Variants in PARP8 observed in about 807,000 individuals in gnomAD.
PARP8 encodes poly(ADP-ribose) polymerase family member 8.
In PARP8, 51 loss-of-function variants were observed where a neutral mutation model predicts 124.1. That is an observed-to-expected ratio of 0.41 (90% confidence interval 0.33 to 0.52). The LOEUF is 0.52. PARP8 is among the 20% of genes least tolerant of loss of function. The pLI is 0.21. For missense variants in PARP8, 860 were observed against 1,018.9 expected (o/e 0.84, Z 2.12); for synonymous variants, 391 against 361.5 (o/e 1.08, Z -0.93).
At chr5:50,779,551 A>G (rs1031258001) in intron 9 of PARP8, among the ~76,000 whole-genome samples, 2 of 152,228 alleles carry the variant, frequency 1.3e-5, no homozygotes, top group African/African-American at 4.8e-5. Context: ...TTCTTGTACC[A>G]TGGTGACTGG....
At chr5:50,835,217 A>G (rs1462331792) in intron 25 of PARP8, among the ~76,000 whole-genome samples, 2 of 152,206 alleles carry the variant, frequency 1.3e-5, no homozygotes, top group Non-Finnish European at 2.9e-5. Context: ...AGAAGAGCTC[A>G]TGAAAAACAC....
intron 7 of PARP8, among the ~76,000 whole-genome samples, chr5:50,764,447 T>C (rs1760858819): frequency 1.3e-5 from 2 of 152,330 alleles, no homozygotes; most frequent in East Asian, 1.9e-4. Flanking sequence ...GTAATTTCAA[T>C]TGGGAAGTAT....
In PARP8 at chr5:50,744,815, T is replaced by A. The variant is rs183395518; in HGVS notation, c.147-5336T>A. 7 of 689,346 alleles carry A rather than the reference T, an allele frequency of 1.0e-5. No homozygotes were observed. In the African/African-American group the frequency reaches 1.2e-4, roughly 12 times the overall value. 42.7% of individuals were successfully genotyped at this position (689,346 alleles called of 1,614,324 possible). A position where few individuals can be genotyped will look rare whatever the true frequency, so the allele number is the denominator to read the frequency against. On this transcript the variant is annotated intron_variant, in intron 2 of 25. Coordinates refer to ENST00000281631, the MANE Select transcript of PARP8 (RefSeq NM_024615.4). ...AAGGAATTCAGAACTTGCTCTAGAT[T>A]TTGCTTTCTTCTCATGTCCACCTTC...
At chr5:50,755,213 T>A (rs1163196234) in intron 3 of PARP8, among the ~76,000 whole-genome samples, 1 of 152,250 alleles carries the variant, frequency 6.6e-6, no homozygotes, top group Middle Eastern at 3.2e-3. Context: ...TCTTGTCTTT[T>A]GTTGCCATTG....
intron 3 of PARP8, among the ~76,000 whole-genome samples, chr5:50,755,305 T>C (rs1169589523): frequency 6.6e-6 from 1 of 152,232 alleles, no homozygotes; most frequent in Non-Finnish European, 1.5e-5. Context: ...AGGGTTTTTA[T>C]GGTGTTAGGT....
At chr5:50,801,541 T>A (rs1451806183) in intron 14 of PARP8, among the ~76,000 whole-genome samples, 1 of 152,236 alleles carries the variant, frequency 6.6e-6, no homozygotes, top group Non-Finnish European at 1.5e-5. Flanking sequence ...AGAGTTTTAG[T>A]GATACTCTTT....
chr5:50,801,155 C>T (rs1459773300), intron 14 of PARP8, among the ~76,000 whole-genome samples: 1 of 151,856 alleles, frequency 6.6e-6, no homozygotes, highest in Non-Finnish European at 1.5e-5. Context: ...GCTTTTGTTG[C>T]CCTGGCATGA....
rs547284979 is a variant in PARP8 at position 50,691,557 on chromosome 5, C to T, written c.146+23432C>T. Reference sequence around the variant, plus strand: ...GTAATTTAATGACACCTTCTGTTTCCTCATCTTTACCCACTCCATACATCC... The same window carrying T: ...GTAATTTAATGACACCTTCTGTTTCTTCATCTTTACCCACTCCATACATCC... On this transcript the variant is annotated intron_variant, in intron 2 of 25. Transcript: ENST00000281631. 5.2e-4 allele frequency among the ~76,000 whole-genome samples: 79 copies of T among 152,254 alleles called. 1 individual carries two copies. The highest frequency in any genetic ancestry group is 1.9e-3 in the African/African-American group (78 of 41,546).
At chr5:50,746,124 A>G (rs1052879494) in intron 2 of PARP8, among the ~76,000 whole-genome samples, 12 of 152,328 alleles carry the variant, frequency 7.9e-5, no homozygotes, top group African/African-American at 2.9e-4. Flanking sequence ...CCTAAATATT[A>G]GCTATCAGAG....
intron 15 of PARP8, among the ~76,000 whole-genome samples, chr5:50,816,003 C>T (rs537290941): frequency 1.0e-4 from 15 of 150,632 alleles, no homozygotes; most frequent in Non-Finnish European, 1.5e-4. Flanking sequence ...TTTTTTTTTC[C>T]CTCTTAACCT....
intron 3 of PARP8, among the ~76,000 whole-genome samples, chr5:50,757,757 T>A (rs1166829583): frequency 6.6e-6 from 1 of 152,176 alleles, no homozygotes; most frequent in African/African-American, 2.4e-5. Flanking sequence ...TCTATTTAGT[T>A]ATTCACTCCC....
At chr5:50,826,846 G>C (rs770582290) in intron 19 of PARP8, 43 bp downstream of exon 19, 78 of 1,575,824 alleles carry the variant, frequency 4.9e-5, no homozygotes, top group Admixed American at 3.8e-4. Context: ...ACAGAAATGG[G>C]AGGAGTACTT....
intron 3 of PARP8, among the ~76,000 whole-genome samples, chr5:50,754,148 T>TACAC (rs1408563437): frequency 0.022 from 501 of 22,312 alleles, 2 homozygotes; most frequent in Non-Finnish European, 0.04. Flanking sequence ...TATATATATA[T>TACAC]ATACACACAC....
chr5:50,731,784 A>G (rs560150822), intron 2 of PARP8, among the ~76,000 whole-genome samples: 3 of 152,326 alleles, frequency 2.0e-5, no homozygotes, highest in African/African-American at 7.2e-5. Flanking sequence ...CTCCTTATCT[A>G]GAATTTCTGA....
intron 7 of PARP8, among the ~76,000 whole-genome samples, chr5:50,770,921 G>T (rs78814244): frequency 0.042 from 6,440 of 151,876 alleles, 439 homozygotes; most frequent in African/African-American, 0.15. Context: ...ACCGAAATTT[G>T]CACATAATCT....
intron 23 of PARP8, among the ~76,000 whole-genome samples, 170 bp downstream of exon 23, chr5:50,833,024 A>G (rs1747158489): frequency 6.6e-6 from 1 of 152,128 alleles, no homozygotes; most frequent in East Asian, 1.9e-4. Flanking sequence ...CCTCTATACA[A>G]TAATTAATCA....
Position 50,810,574 on chromosome 5 carries a change from T to G in PARP8, c.1576-4858T>G, listed in dbSNP as rs143581639. Among the ~76,000 whole-genome samples the G allele has an allele frequency of 3.3e-4, 50 of 152,166 alleles. 1 individual carries two copies. In the East Asian group the frequency reaches 7.1e-3, roughly 22 times the overall value. ...TTTAAGGGAGTGATTCAGTTTCTCT[T>G]CCTTGAATAAGATGTTCCTTCTGTG... On this transcript the variant is annotated intron_variant, in intron 14 of 25. Coordinates refer to ENST00000281631, the MANE Select transcript of PARP8 (RefSeq NM_024615.4).
chr5:50,771,556 G>A (rs1761632274), intron 7 of PARP8, among the ~76,000 whole-genome samples: 2 of 152,164 alleles, frequency 1.3e-5, no homozygotes, highest in Admixed American at 6.5e-5. Flanking sequence ...ATATCAAAAA[G>A]CAAACAAATC....
Position 50,761,908 on chromosome 5 carries a change from C to T in PARP8, c.423+10C>T, listed in dbSNP as rs769707443. 3 of 1,549,520 alleles carry T rather than the reference C, an allele frequency of 1.9e-6. No individual in the cohort carries two copies. Among genetic ancestry groups the T allele is most frequent in the Non-Finnish European group, 8.9e-7 (1 of 1,127,718 alleles). ...TTATTACGGAGGGCAGGTAAGGAAACCTGGTCTTCCAAATACCTAGTCTTA... is the reference window on the plus strand; with the variant it reads ...TTATTACGGAGGGCAGGTAAGGAAATCTGGTCTTCCAAATACCTAGTCTTA... On this transcript the variant is annotated intron_variant, in intron 6 of 25. Coordinates refer to ENST00000281631, the MANE Select transcript of PARP8 (RefSeq NM_024615.4).
Sources: gnomAD v4.1 joint callset for allele counts (sites outside exome capture counted in the v4.1 genomes callset) on GRCh38, gnomAD v4.1.1 for gene constraint, MANE v1.5 for transcripts, NCBI Gene and HGNC (gene_info 2026-07-23, HGNC 2026-07-21) for gene names.